COL22A1: variants seen among roughly 807,000 people sequenced by gnomAD.
COL22A1 encodes the protein collagen type XXII alpha 1 chain.
Under a neutral mutation model 248.9 loss-of-function variants are expected in COL22A1, and 221 were observed. That is an observed-to-expected ratio of 0.89 (90% confidence interval 0.80 to 0.99). The LOEUF is 0.99. Ranked by LOEUF, COL22A1 falls within the 50% of genes least tolerant of loss-of-function variation. The probability of loss-of-function intolerance (pLI) is 0.00; values close to 1 mark genes in which losing one functional copy is unlikely to be tolerated. For missense variants in COL22A1, 2,240 were observed against 2,179.0 expected, an observed-to-expected ratio of 1.03 and a Z score of -0.56; for synonymous variants, 891 against 793.4, an observed-to-expected ratio of 1.12 and a Z score of -2.07.
chr8:138,845,691 G>A (rs1444832011), intron 3 of COL22A1, among the ~76,000 whole-genome samples: 1 of 152,100 alleles, frequency 6.6e-6, no homozygotes. Flanking sequence ...TAATCTGTGT[G>A]TCTTAGCGTG....
chr8:138,727,726 C>T (rs1028891113), intron 23 of COL22A1, among the ~76,000 whole-genome samples: 2 of 152,166 alleles, frequency 1.3e-5, no homozygotes, highest in Admixed American at 1.3e-4. Context: ...TCGCTCCGTC[C>T]TGGCAAGTCT....
In COL22A1 at chr8:138,614,758, A is replaced by T. The variant is rs1819178735; in HGVS notation, c.3925-838T>A. Among the ~76,000 whole-genome samples, 5 of 152,138 alleles carry T rather than the reference A, an allele frequency of 3.3e-5. No homozygotes were observed. In the South Asian group the frequency reaches 1.0e-3, roughly 32 times the overall value. The stretch of plus-strand genomic sequence containing the variant: ...TGGGGTGGGCTCTACTTTTAGGTGT[A>T]TGCACAGGGCTCCACACACTGATCT... On this transcript the variant is annotated intron_variant, in intron 55 of 64. Coordinates refer to ENST00000303045, the MANE Select transcript of COL22A1 (RefSeq NM_152888.3).
At chr8:138,598,961 G>A in intron 60 of COL22A1, 63 bp from the exon 61 acceptor site, 1 of 1,533,206 alleles carries the variant, frequency 6.5e-7, no homozygotes, top group Middle Eastern at 1.7e-4. Context: ...CCATGCAGCT[G>A]CAAAAGGGGT....
Position 138,792,423 on chromosome 8 carries a change from C to T in COL22A1, c.1596+4396G>A, listed in dbSNP as rs550856754. ...GTGAGCCTGCTCTCTACTCAGCAAC[C>T]GATCTGTCTCAGGGTCACCTTCATC... On this transcript the variant is annotated intron_variant, in intron 12 of 64. Coordinates refer to ENST00000303045, the MANE Select transcript of COL22A1 (RefSeq NM_152888.3). 9.2e-5 allele frequency among the ~76,000 whole-genome samples: 14 copies of T among 152,362 alleles called. No individual in the cohort carries two copies. In the South Asian group the frequency reaches 2.5e-3, roughly 27 times the overall value.
chr8:138,780,081 C>A (rs1308817714), intron 13 of COL22A1, among the ~76,000 whole-genome samples: 1 of 152,168 alleles, frequency 6.6e-6, no homozygotes, highest in Non-Finnish European at 1.5e-5. Context: ...TAGCTCCACT[C>A]CTACTCACTT....
chr8:138,831,960 AG>A (rs1268402653), intron 5 of COL22A1, among the ~76,000 whole-genome samples: 1 of 152,156 alleles, frequency 6.6e-6, no homozygotes, highest in Non-Finnish European at 1.5e-5. Context: ...AAGATGAGGT[AG>A]GAGGTCAGCA....
rs142340472 is a variant in COL22A1 at position 138,613,354 on chromosome 8, A to T, written c.3978+513T>A. 5.3e-5 allele frequency among the ~76,000 whole-genome samples: 8 copies of T among 152,286 alleles called. No individual in the cohort carries two copies. The East Asian group carries it at 9.7e-4, about 18-fold the overall frequency. The stretch of plus-strand genomic sequence containing the variant: ...GGCCAGGGTGGTGCCCCACAAGCCA[A>T]GGAACGCCCTCGAGAGCCAGCAAAG... On this transcript the variant is annotated intron_variant, in intron 56 of 64. Transcript: ENST00000303045.
At chr8:138,872,737 A>C (rs1445075256) in intron 3 of COL22A1, among the ~76,000 whole-genome samples, 1 of 152,228 alleles carries the variant, frequency 6.6e-6, no homozygotes, top group East Asian at 1.9e-4. Flanking sequence ...GTCGTGACAC[A>C]GGGGCACTTC....
chr8:138,641,637 C>T (rs1405537140), intron 47 of COL22A1, among the ~76,000 whole-genome samples: 4 of 152,152 alleles, frequency 2.6e-5, no homozygotes, highest in Non-Finnish European at 5.9e-5. Context: ...TGGCATGAGC[C>T]TCCTCATGCC....
At chr8:138,604,276 C>T (rs1425496761) in intron 59 of COL22A1, among the ~76,000 whole-genome samples, 1 of 152,120 alleles carries the variant, frequency 6.6e-6, no homozygotes, top group Non-Finnish European at 1.5e-5. Context: ...TCTCCATATG[C>T]TTATGCTCAG....
At chr8:138,905,315 A>G (rs752759879) in intron 1 of COL22A1, among the ~76,000 whole-genome samples, 1 of 152,166 alleles carries the variant, frequency 6.6e-6, no homozygotes, top group African/African-American at 2.4e-5. Flanking sequence ...TTAAACTTGG[A>G]TATCTCCAGG....
At chr8:138,820,892 A>G (rs974846638) in intron 7 of COL22A1, among the ~76,000 whole-genome samples, 8 of 152,208 alleles carry the variant, frequency 5.3e-5, no homozygotes, top group Non-Finnish European at 1.2e-4. Context: ...TAGGTGCTCA[A>G]TGTATATGTG....
At chr8:138,865,864 T>A (rs1822848204) in intron 3 of COL22A1, among the ~76,000 whole-genome samples, 1 of 151,776 alleles carries the variant, frequency 6.6e-6, no homozygotes, top group South Asian at 2.1e-4. Context: ...CGTGTGTGTA[T>A]GTTTGTATGC....
intron 35 of COL22A1, among the ~76,000 whole-genome samples, chr8:138,692,743 T>A (rs1564203092): frequency 6.6e-6 from 1 of 151,904 alleles, no homozygotes; most frequent in Non-Finnish European, 1.5e-5. Context: ...CGGAGAACAC[T>A]CCCAGCTTCC....
intron 21 of COL22A1, among the ~76,000 whole-genome samples, chr8:138,753,501 T>C (rs1343598478): frequency 1.3e-5 from 2 of 152,218 alleles, no homozygotes; most frequent in East Asian, 1.9e-4. Context: ...GGCTAAGATA[T>C]CCTGAATTTT....
chr8:138,588,422 C>T lies in COL22A1; in HGVS notation c.*831G>A, dbSNP rs1380092326. On this transcript the variant is annotated 3_prime_UTR_variant, in exon 65 of 65. Transcript: ENST00000303045. ...CACAAGTGGATGGTCACCACATCCACTTGTTTTATAATTAATATAATTGAA... is the reference window on the plus strand; with the variant it reads ...CACAAGTGGATGGTCACCACATCCATTTGTTTTATAATTAATATAATTGAA... The T allele has an allele frequency of 6.6e-6, 1 of 152,142 alleles. No homozygotes were observed. The highest frequency in any genetic ancestry group is 2.4e-5 in the African/African-American group (1 of 41,430). 9.4% of individuals were successfully genotyped at this position (152,142 alleles called of 1,614,324 possible). A position where few individuals can be genotyped will look rare whatever the true frequency, so the allele number is the denominator to read the frequency against.
chr8:138,872,594 AAAAC>A (rs1382333901), intron 3 of COL22A1, among the ~76,000 whole-genome samples: 2 of 152,208 alleles, frequency 1.3e-5, no homozygotes, highest in Admixed American at 1.3e-4. Flanking sequence ...TGGGGTGGAG[AAAAC>A]TCTTAATTAT....
chr8:138,595,928 G>A (rs763471232), intron 62 of COL22A1, among the ~76,000 whole-genome samples: 2 of 152,244 alleles, frequency 1.3e-5, no homozygotes, highest in Non-Finnish European at 2.9e-5. Flanking sequence ...GGGAAAGGCT[G>A]TTGTTCAAGA....
intron 1 of COL22A1, among the ~76,000 whole-genome samples, chr8:138,884,571 C>T (rs1410863370): frequency 6.6e-6 from 1 of 152,236 alleles, no homozygotes; most frequent in African/African-American, 2.4e-5. Flanking sequence ...CAAGGGAGTA[C>T]GTCGGGAGCA....
Sources: allele counts gnomAD v4.1 joint callset (sites outside exome capture counted in the v4.1 genomes callset), GRCh38; gene constraint gnomAD v4.1.1; transcripts MANE v1.5; gene names NCBI Gene and HGNC (gene_info 2026-07-23, HGNC 2026-07-21).